Variants in ANO3 observed in about 807,000 individuals in gnomAD.
ANO3 encodes anoctamin-3.
In ANO3, 99 loss-of-function variants were observed where a neutral mutation model predicts 144.8. The observed-to-expected ratio is 0.68, with a 90% CI of 0.58 to 0.81. The LOEUF (loss-of-function observed/expected upper bound fraction) is 0.81, where lower values mean the gene tolerates loss of function less well. Among genes scored for constraint, ANO3 ranks in the 30% least tolerant of loss-of-function variants. The pLI is 0.00. For synonymous variants in ANO3, 414 were observed against 392.6 expected (o/e 1.05, Z -0.64); for missense variants, 905 against 1,202.2 (o/e 0.75, Z 3.66).
rs1283644254 is a variant in ANO3, at chr11:26,277,116, AT to A, written c.155-32528del. Among the ~76,000 whole-genome samples the A allele has an allele frequency of 2.0e-5, 3 of 152,024 alleles. No individual in the cohort carries two copies. In the East Asian group the frequency reaches 5.8e-4, roughly 29 times the overall value. ...TTAAGTCAGAAATAAATCCATCCAT[AT>A]AAAAAAGTAGATATCTCTCTATTTC... On this transcript the variant is annotated intron_variant, in intron 1 of 27. Coordinates refer to the ANO3 transcript ENST00000672621.
intron 1 of ANO3, among the ~76,000 whole-genome samples, chr11:26,201,936 C>T (rs919741157): frequency 6.6e-6 from 1 of 151,286 alleles, no homozygotes; most frequent in African/African-American, 2.4e-5. Flanking sequence ...CAGTAAAAAC[C>T]TATTACAGTT....
chr11:26,563,955 A>G (rs899434289), intron 14 of ANO3, among the ~76,000 whole-genome samples: 1 of 151,840 alleles, frequency 6.6e-6, no homozygotes, highest in East Asian at 1.9e-4. Flanking sequence ...AATTTAGTAC[A>G]TTTCTCTTTT....
intron 1 of ANO3, among the ~76,000 whole-genome samples, chr11:26,379,541 G>C (rs888189012): frequency 1.3e-5 from 2 of 152,102 alleles, no homozygotes; most frequent in East Asian, 1.9e-4. Flanking sequence ...CAGCACTTTA[G>C]GAGGCTGAGG....
chr11:26,447,633 A>G (rs1858751319), intron 3 of ANO3, among the ~76,000 whole-genome samples: 1 of 152,240 alleles, frequency 6.6e-6, no homozygotes, highest in Non-Finnish European at 1.5e-5. Flanking sequence ...GGTAATGATT[A>G]GTTAGAAAGC....
chr11:26,355,095 T>A (rs1855745319), intron 1 of ANO3, among the ~76,000 whole-genome samples: 1 of 151,806 alleles, frequency 6.6e-6, no homozygotes, highest in Non-Finnish European at 1.5e-5. Context: ...CTTTCTGAAC[T>A]AGTGCCAATG....
At chr11:26,290,239 G>A (rs149021430) in intron 1 of ANO3, among the ~76,000 whole-genome samples, 8,036 of 152,124 alleles carry the variant, frequency 0.053, 307 homozygotes, top group Non-Finnish European at 0.077. Flanking sequence ...TTGTATTTCC[G>A]TGGGATCAGT....
intron 4 of ANO3, among the ~76,000 whole-genome samples, chr11:26,475,693 A>G (rs1226542770): frequency 6.6e-6 from 1 of 152,078 alleles, no homozygotes; most frequent in Non-Finnish European, 1.5e-5. Flanking sequence ...CATAAGAAAT[A>G]TGTATGTCTA....
intron 20 of ANO3, among the ~76,000 whole-genome samples, chr11:26,636,349 G>A (rs746142770): frequency 4.6e-5 from 7 of 152,156 alleles, no homozygotes; most frequent in Non-Finnish European, 7.3e-5. Context: ...TAGGATATTT[G>A]TGAACTGGCT....
At chr11:26,538,950 AG>A (rs1849577599) in intron 10 of ANO3, among the ~76,000 whole-genome samples, 2 of 152,130 alleles carry the variant, frequency 1.3e-5, no homozygotes, top group African/African-American at 4.8e-5. Context: ...GATTAAGGAT[AG>A]TTCACAATTC....
intron 20 of ANO3, among the ~76,000 whole-genome samples, chr11:26,636,780 GCTGT>G (rs1267054082): frequency 6.6e-6 from 1 of 152,200 alleles, no homozygotes; most frequent in Non-Finnish European, 1.5e-5. Context: ...CTGAGAAATT[GCTGT>G]CTGATTGCTG....
intron 3 of ANO3, among the ~76,000 whole-genome samples, chr11:26,447,724 G>C (rs1858755534): frequency 6.6e-6 from 1 of 151,674 alleles, no homozygotes; most frequent in African/African-American, 2.4e-5. Flanking sequence ...CTTTAATTCT[G>C]TTTTACATAA....
At chr11:26,653,052 A>G (rs904225807) in intron 24 of ANO3, among the ~76,000 whole-genome samples, 6 of 152,172 alleles carry the variant, frequency 3.9e-5, no homozygotes, top group Non-Finnish European at 7.3e-5. Context: ...GGAGTTCCCC[A>G]AGGGCTCAAT....
At chr11:26,648,562 A>G (rs953120857) in intron 24 of ANO3, among the ~76,000 whole-genome samples, 7 of 151,812 alleles carry the variant, frequency 4.6e-5, no homozygotes, top group African/African-American at 1.5e-4. Flanking sequence ...TGTGGCAACC[A>G]TAATTATCTC....
At chr11:26,367,388 T>C (rs986777448) in intron 1 of ANO3, among the ~76,000 whole-genome samples, 4 of 152,186 alleles carry the variant, frequency 2.6e-5, no homozygotes, top group African/African-American at 4.8e-5. Context: ...CAGGTTCCAG[T>C]AAGTTCCTCT....
At chr11:26,204,876 C>A (rs1244917376) in intron 1 of ANO3, among the ~76,000 whole-genome samples, 1 of 152,016 alleles carries the variant, frequency 6.6e-6, no homozygotes, top group Non-Finnish European at 1.5e-5. Flanking sequence ...ATAATTTGTA[C>A]CTTGTGTTAA....
rs867414080 is a variant in ANO3, at chr11:26,504,827, T to C, written c.433-3277T>C. ...TCACAAAGTCAGGAGATCGAGACCA[T>C]GGTGAAACCCCATCTGTACTAAAGA... is the stretch of plus-strand genomic sequence containing the variant. On this transcript the variant is annotated intron_variant, in intron 4 of 26. Transcript: ENST00000256737. 8.7e-5 allele frequency among the ~76,000 whole-genome samples: 13 copies of C among 149,330 alleles called. No homozygotes were observed. The East Asian group carries it at 1.2e-3, about 14-fold the overall frequency.
At chr11:26,565,717 A>G (rs1202256524) in intron 14 of ANO3, 1 of 1,605,934 alleles carries the variant, frequency 6.2e-7, no homozygotes, top group Admixed American at 1.7e-5. Flanking sequence ...CTTTCCAAAG[A>G]AATAGGTTTA....
At chr11:26,406,726 G>GT (rs1554950164) in intron 1 of ANO3, among the ~76,000 whole-genome samples, 28 of 108,298 alleles carry the variant, frequency 2.6e-4, no homozygotes, top group Non-Finnish European at 4.1e-4. Flanking sequence ...TGTGTGTGTG[G>GT]ATTGGTGGCA....
rs1323527064 is a variant in ANO3 at position 26,608,145 on chromosome 11, C to G, written c.1836+8431C>G. Among the ~76,000 whole-genome samples the G allele has an allele frequency of 4.6e-5, 7 of 152,256 alleles. No individual in the cohort carries two copies. The South Asian group carries it at 1.5e-3, about 32-fold the overall frequency. ...AGGGACTTTTTTGTTGTTGTTGATACTGTCGTTCTTGCTTTCTGTTTGTTT... is the reference window on the plus strand; with the variant it reads ...AGGGACTTTTTTGTTGTTGTTGATAGTGTCGTTCTTGCTTTCTGTTTGTTT... On this transcript the variant is annotated intron_variant, in intron 17 of 26. Coordinates refer to ENST00000256737, the MANE Select transcript of ANO3 (RefSeq NM_031418.4).
Sources: allele counts gnomAD v4.1 joint callset (sites outside exome capture counted in the v4.1 genomes callset), GRCh38; gene constraint gnomAD v4.1.1; transcripts MANE v1.5; gene names NCBI Gene and HGNC (gene_info 2026-07-23, HGNC 2026-07-21).